The following MYO15A variants were observed in gnomAD, a reference collection of about 807,000 sequenced individuals.
MYO15A encodes the protein unconventional myosin-XV.
A neutral mutation model predicts 394.6 loss-of-function variants in MYO15A; 308 were observed. That is an observed-to-expected ratio of 0.78 (90% CI 0.71 to 0.86). The LOEUF (loss-of-function observed/expected upper bound fraction) is 0.86, where lower values mean the gene tolerates loss of function less well. Ranked by LOEUF, MYO15A falls within the 40% of genes least tolerant of loss-of-function variation. The probability of loss-of-function intolerance (pLI) is 0.00; values close to 1 mark genes in which losing one functional copy is unlikely to be tolerated. For synonymous variants in MYO15A, 1,957 were observed against 2,003.8 expected (o/e 0.98, Z 0.62); for missense variants, 4,606 against 4,799.1 (o/e 0.96, Z 1.19).
intron 15 of MYO15A, among the ~76,000 whole-genome samples, chr17:18,137,019 G>A (rs1389139616): frequency 6.6e-6 from 1 of 152,232 alleles, no homozygotes; most frequent in Non-Finnish European, 1.5e-5. Context: ...CCCAGCAAAG[G>A]CACTGTAGGT....
At chr17:18,139,487 A>C in intron 18 of MYO15A, 47 bp from the exon 19 acceptor site, 5 of 1,585,812 alleles carry the variant, frequency 3.2e-6, no homozygotes, top group Non-Finnish European at 3.5e-6. Context: ...TAGGATAGAC[A>C]GAGAGACAGA....
intron 2 of MYO15A, chr17:18,124,132 C>T: frequency 2.8e-6 from 1 of 361,256 alleles, no homozygotes. Flanking sequence ...AGTTGTCACA[C>T]AAGCCAACAT....
intron 3 of MYO15A, 92 bp from the exon 4 acceptor site, chr17:18,125,076 A>G: frequency 2.2e-5 from 27 of 1,217,008 alleles, no homozygotes; most frequent in Non-Finnish European, 3.1e-5. Context: ...ATTCAGGCCT[A>G]TCTGATCAAG....
At chr17:18,156,714 C>T (rs2046681548) in intron 48 of MYO15A, among the ~76,000 whole-genome samples, 1 of 152,226 alleles carries the variant, frequency 6.6e-6, no homozygotes, top group Non-Finnish European at 1.5e-5. Context: ...AAGACTTCAG[C>T]AGGAAAGTCT....
At chr17:18,137,163 A>G (rs549230344) in intron 15 of MYO15A, among the ~76,000 whole-genome samples, 6 of 152,344 alleles carry the variant, frequency 3.9e-5, no homozygotes, top group Non-Finnish European at 8.8e-5. Context: ...CAAGATCACC[A>G]TGCAGCCATC....
chr17:18,141,848 A>C (rs2046388675), intron 23 of MYO15A, 78 bp downstream of exon 23: 1 of 1,481,598 alleles, frequency 6.7e-7, no homozygotes, highest in African/African-American at 1.4e-5. Flanking sequence ...GAAATGTCCA[A>C]GCTAGAGACT....
chr17:18,153,861 C>T lies in MYO15A; in HGVS notation c.8053C>T (p.Gln2685Ter), dbSNP rs758934537. 1.9e-6 allele frequency: 3 copies of T among 1,613,690 alleles called. No individual in the cohort carries two copies. Among genetic ancestry groups the T allele is most frequent in the Non-Finnish European group, 2.5e-6 (3 of 1,179,994 alleles). Residue 2685 changes from glutamine (Q) to a stop codon, truncating the protein, a stop_gained, in exon 43 of 66, where the codon CAG (glutamine) becomes TAG (stop). Coordinates refer to ENST00000647165, the MANE Select transcript of MYO15A (RefSeq NM_016239.4). LOFTEE classifies it high-confidence loss of function. This position sits in a 1 kb window ranked among gnomAD's most constrained non-coding sequence, Gnocchi z 4.1. Reference protein sequence around the residue: ...RLINPNFYGYQDAPWKIFLRK... With the variant: ...RLINPNFYGY ...CATCAATCCCAACTTCTACGGCTAT[C>T]AGGACGCCCCCTGGAAGATCTTCCT...
In MYO15A at chr17:18,135,700, A is replaced by G; in HGVS notation, c.4483-11A>G. The G allele has an allele frequency of 6.2e-7, 1 of 1,612,836 alleles. No individual in the cohort carries two copies. Among genetic ancestry groups the G allele is most frequent in the Non-Finnish European group, 8.5e-7 (1 of 1,178,846 alleles). ...TAGTTCAAAGCACATTCCTGTTGGT[A>G]TTTTGCATAGACGGATGCACAGGAG... On this transcript the variant is annotated splice_polypyrimidine_tract_variant and intron_variant, in intron 12 of 65. Transcript: ENST00000647165.
chr17:18,127,832 A>AAGATAT (rs1555541551), intron 7 of MYO15A, among the ~76,000 whole-genome samples: 1 of 40,564 alleles, frequency 2.5e-5, no homozygotes, highest in Non-Finnish European at 5.6e-5. Context: ...AAGAAAAAAA[A>AAGATAT]AGATATATAT....
intron 3 of MYO15A, 23 bp downstream of exon 3, chr17:18,124,588 G>C: frequency 1.2e-6 from 2 of 1,610,772 alleles, no homozygotes; most frequent in Non-Finnish European, 1.7e-6. Flanking sequence ...GGCCGGCGGG[G>C]TCAGCAAGGG....
At chr17:18,126,744 G>A (rs1314576434) in intron 5 of MYO15A, 47 bp from the exon 6 acceptor site, 1 of 1,588,342 alleles carries the variant, frequency 6.3e-7, no homozygotes. Context: ...CCTGGGAGGT[G>A]TGGGAGCTTA....
rs1017518500 is a variant in MYO15A, at chr17:18,155,001, G to T, written c.8225-109G>T. Reference sequence around the variant, plus strand: ...TTTCAGTTTTCTAGTATAGACACTGGTCAGATACCTTCTTGCTGGGTATCA... The same window carrying T: ...TTTCAGTTTTCTAGTATAGACACTGTTCAGATACCTTCTTGCTGGGTATCA... On this transcript the variant is annotated intron_variant, in intron 45 of 65. Coordinates refer to ENST00000647165, the MANE Select transcript of MYO15A (RefSeq NM_016239.4). 1.2e-5 allele frequency: 13 copies of T among 1,101,516 alleles called. No homozygotes were observed. The Admixed American group carries it at 2.6e-4, about 22-fold the overall frequency. 68.2% of individuals were successfully genotyped at this position (1,101,516 alleles called of 1,614,324 possible).
At position 18,152,112 on chromosome 17, in the gene MYO15A, G is replaced by A; in HGVS notation, c.7894G>A (p.Val2632Met). ...THLAAAPGTQVSREAVALVKP... is the reference protein window; with the variant it reads ...THLAAAPGTQMSREAVALVKP... ...GAGCAGTCTCTTTGGGGTGGGACAGGTGTCCAGAGAGGCCGTGGCCCTGGT... is the reference window on the plus strand; with the variant it reads ...GAGCAGTCTCTTTGGGGTGGGACAGATGTCCAGAGAGGCCGTGGCCCTGGT... The change falls in exon 42 of 66, where the codon GTG becomes ATG. Residue 2632 changes from valine to methionine, a missense_variant and splice_region_variant. Physicochemically the swap from Val to Met is conservative, Grantham distance 21. Transcript: ENST00000647165. 4.5e-6 allele frequency: 7 copies of A among 1,551,604 alleles called. No homozygotes were observed. Among genetic ancestry groups the A allele is most frequent in the Non-Finnish European group, 6.1e-6 (7 of 1,147,136 alleles).
chr17:18,154,688 C>A lies in MYO15A; in HGVS notation c.8157C>A (p.His2719Gln), dbSNP rs373955726. 1.9e-6 allele frequency: 3 copies of A among 1,613,486 alleles called. No individual in the cohort carries two copies. The highest frequency in any genetic ancestry group is 1.7e-6 in the Non-Finnish European group (2 of 1,180,016). The change falls in exon 45 of 66, where the codon CAC (histidine) becomes CAA (glutamine). Residue 2719 changes from histidine (H) to glutamine (Q), a missense_variant. This residue lies in a region of MYO15A where 2,776 missense variants were observed against 3,109.3 expected (regional missense o/e 0.89). Transcript: ENST00000647165. ...ACAGCCTGTTCCCACAGATCCTGCA[C>A]GACACGCTCTCCGAGGCCTGCCTTC... is the stretch of plus-strand genomic sequence containing the variant. The part of the protein sequence containing the change: ...QLDLLFRQIL[H>Q]DTLSEACLRI...
chr17:18,160,388 C>T (rs2046757614), intron 56 of MYO15A, among the ~76,000 whole-genome samples: 1 of 152,216 alleles, frequency 6.6e-6, no homozygotes, highest in Non-Finnish European at 1.5e-5. Context: ...AGGAAGCAGG[C>T]TTTCTCCATC....
intron 19 of MYO15A, 167 bp from the exon 20 acceptor site, chr17:18,140,350 T>C (rs2046355617): frequency 2.1e-6 from 2 of 953,156 alleles, no homozygotes; most frequent in East Asian, 4.8e-5. Flanking sequence ...CCCCACCTGT[T>C]TTGAGAAGCA....
In MYO15A at chr17:18,132,428, C is replaced by T. The variant is rs750084364; in HGVS notation, c.4207-25C>T. The T allele has an allele frequency of 1.9e-5, 31 of 1,598,748 alleles. 1 individual carries two copies. Among genetic ancestry groups the T allele is most frequent in the South Asian group, 1.9e-4 (17 of 90,816 alleles). On this transcript the variant is annotated intron_variant, in intron 10 of 65. Coordinates refer to ENST00000647165, the MANE Select transcript of MYO15A (RefSeq NM_016239.4). This position sits in a 1 kb window ranked among gnomAD's most constrained non-coding sequence, Gnocchi z 4.6. ...TCACCTAGGTAGGTGGCTCCCTTCT[C>T]TGTGCCCACCTACCCACTCTACAGG...
intron 62 of MYO15A, among the ~76,000 whole-genome samples, chr17:18,168,489 G>T (rs551508771): frequency 6.6e-6 from 1 of 151,812 alleles, no homozygotes; most frequent in Non-Finnish European, 1.5e-5. Flanking sequence ...ACGTGAACCC[G>T]GGAGGCGGAG....
Position 18,118,899 on chromosome 17 carries a change from G to A in MYO15A, c.99G>A (p.Thr33=), listed in dbSNP as rs375382977. The A allele has an allele frequency of 3.7e-5, 59 of 1,613,786 alleles. No individual in the cohort carries two copies. The Admixed American group carries it at 6.2e-4, about 17-fold the overall frequency. ...PEKPKRSLKG[T]SRLFMGFRDR... ...AGCCCAAACGGAGCCTGAAGGGGAC[G>A]TCGCGGCTGTTCATGGGCTTCCGCG... The change falls in exon 2 of 66, where the codon ACG becomes ACA. Residue 33 remains threonine (T), a synonymous_variant. Coordinates refer to ENST00000647165, the MANE Select transcript of MYO15A (RefSeq NM_016239.4).
Sources: allele counts gnomAD v4.1 joint callset (sites outside exome capture counted in the v4.1 genomes callset), GRCh38; gene constraint gnomAD v4.1.1; regional missense constraint gnomAD v4.1.1; non-coding constraint Gnocchi (gnomAD v3.1); transcripts MANE v1.5; gene names NCBI Gene and HGNC (gene_info 2026-07-23, HGNC 2026-07-21).